The following KLHL1 variants were observed in gnomAD, a reference collection of about 807,000 sequenced individuals.
The protein encoded by KLHL1 is kelch-like protein 1.
KLHL1 carries 47 observed loss-of-function variants against 77.7 expected under a neutral mutation model. The ratio of observed to expected loss-of-function variants is 0.60; its 90% confidence interval spans 0.48 to 0.77. The LOEUF (loss-of-function observed/expected upper bound fraction) is 0.77. Ranked by LOEUF, KLHL1 falls within the 30% of genes least tolerant of loss-of-function variation. KLHL1 has a pLI of 0.00. For synonymous variants in KLHL1, 360 were observed against 325.2 expected (o/e 1.11, Z -1.15); for missense variants, 925 against 910.8 (o/e 1.02, Z -0.20).
At chr13:69,894,511 T>G (rs1368791990) in intron 4 of KLHL1, 1 of 158,820 alleles carries the variant, frequency 6.3e-6, no homozygotes, top group Non-Finnish European at 1.4e-5. Context: ...GAGTCATATC[T>G]TTTTTTCCTA....
intron 7 of KLHL1, among the ~76,000 whole-genome samples, chr13:69,767,496 A>C (rs1875364259): frequency 6.6e-6 from 1 of 152,166 alleles, no homozygotes. Context: ...CAGGAGTTTG[A>C]GACCAGCCTG....
chr13:69,771,262 C>T (rs1875550087), intron 7 of KLHL1, among the ~76,000 whole-genome samples: 1 of 142,474 alleles, frequency 7.0e-6, no homozygotes, highest in East Asian at 2.1e-4. Context: ...ACACCATGTG[C>T]CTTTAGCAAC....
At chr13:69,957,268 T>G (rs891787841) in intron 3 of KLHL1, among the ~76,000 whole-genome samples, 5 of 151,706 alleles carry the variant, frequency 3.3e-5, no homozygotes, top group African/African-American at 1.2e-4. Context: ...TACATAGATT[T>G]TACTACTTTT....
intron 4 of KLHL1, among the ~76,000 whole-genome samples, chr13:69,927,547 C>G (rs1003376374): frequency 1.3e-5 from 2 of 152,074 alleles, no homozygotes; most frequent in African/African-American, 4.8e-5. Context: ...ATTTAAATAA[C>G]TTTTACAACT....
At chr13:69,721,973 G>A (rs538802396) in intron 8 of KLHL1, among the ~76,000 whole-genome samples, 6 of 152,102 alleles carry the variant, frequency 3.9e-5, no homozygotes, top group African/African-American at 1.4e-4. Context: ...TATGAAATCT[G>A]AACCTCACTT....
At chr13:69,779,836 G>A (rs748915604) in intron 7 of KLHL1, among the ~76,000 whole-genome samples, 13 of 151,698 alleles carry the variant, frequency 8.6e-5, no homozygotes, top group African/African-American at 2.4e-4. Context: ...TTTTTGAGAC[G>A]GAGTCTTGCT....
chr13:69,942,647 C>A (rs1455140884), intron 3 of KLHL1, among the ~76,000 whole-genome samples: 1 of 152,030 alleles, frequency 6.6e-6, no homozygotes, highest in Non-Finnish European at 1.5e-5. Flanking sequence ...TCTGGCTTCA[C>A]CCAGTGTTAA....
At chr13:70,057,818 A>C (rs1886786426) in intron 1 of KLHL1, among the ~76,000 whole-genome samples, 1 of 150,894 alleles carries the variant, frequency 6.6e-6, no homozygotes, top group African/African-American at 2.4e-5. Flanking sequence ...AAGAAAGAAA[A>C]GAAAAACAAA....
chr13:70,077,571 G>A (rs1887294262), intron 1 of KLHL1, among the ~76,000 whole-genome samples: 1 of 151,978 alleles, frequency 6.6e-6, no homozygotes, highest in African/African-American at 2.4e-5. Context: ...ATTTCTCAAA[G>A]TGCAAACCCA....
chr13:69,826,437 A>C (rs947769533), intron 6 of KLHL1, among the ~76,000 whole-genome samples: 2 of 152,038 alleles, frequency 1.3e-5, no homozygotes, highest in Non-Finnish European at 2.9e-5. Flanking sequence ...ACACAAAAAA[A>C]CCCATAGTGG....
At chr13:69,984,064 A>C (rs555936774) in intron 1 of KLHL1, among the ~76,000 whole-genome samples, 4 of 152,254 alleles carry the variant, frequency 2.6e-5, no homozygotes, top group Admixed American at 2.6e-4. Flanking sequence ...AGAGGTAAAC[A>C]TAGGGAAAAT....
chr13:69,785,431 GA>G (rs1876483275), intron 7 of KLHL1, among the ~76,000 whole-genome samples: 1 of 152,066 alleles, frequency 6.6e-6, no homozygotes, highest in African/African-American at 2.4e-5. Context: ...AATGAAGGCA[GA>G]AATAAAGATG....
intron 5 of KLHL1, among the ~76,000 whole-genome samples, chr13:69,876,463 A>G (rs1457442823): frequency 2.0e-5 from 3 of 152,206 alleles, no homozygotes; most frequent in African/African-American, 7.2e-5. Flanking sequence ...GACTTAATTC[A>G]TGTAAAATAG....
chr13:69,922,332 A>T (rs1030115336), intron 4 of KLHL1, among the ~76,000 whole-genome samples: 11 of 152,172 alleles, frequency 7.2e-5, no homozygotes, highest in Non-Finnish European at 1.2e-4. Context: ...AAGAGAGAAT[A>T]ACGTGTAAGG....
intron 1 of KLHL1, among the ~76,000 whole-genome samples, chr13:69,983,576 C>CAAAAAAA (rs1282357751): frequency 2.5e-5 from 1 of 40,776 alleles, no homozygotes; most frequent in Non-Finnish European, 4.7e-5. Flanking sequence ...CCTATCTTTA[C>CAAAAAAA]AAAAAAAAAA....
chr13:69,809,114 G>A (rs950586447), intron 6 of KLHL1, among the ~76,000 whole-genome samples: 2 of 152,006 alleles, frequency 1.3e-5, no homozygotes, highest in African/African-American at 2.4e-5. Context: ...AGAAGAGGAA[G>A]CAAGCAACTT....
chr13:69,982,123 A>T (rs1884727010), intron 1 of KLHL1, among the ~76,000 whole-genome samples: 1 of 152,066 alleles, frequency 6.6e-6, no homozygotes, highest in African/African-American at 2.4e-5. Context: ...TATAGTAACT[A>T]AAAAGCAAAA....
intron 5 of KLHL1, among the ~76,000 whole-genome samples, chr13:69,843,738 C>A (rs1367473517): frequency 6.6e-6 from 1 of 151,616 alleles, no homozygotes; most frequent in African/African-American, 2.4e-5. Context: ...TAAGTGGTAT[C>A]TTCTACTGAG....
In KLHL1 at chr13:70,047,048, T is replaced by C. The variant is rs1404406066; in HGVS notation, c.497+60155A>G. Among the ~76,000 whole-genome samples the C allele has an allele frequency of 3.3e-5, 5 of 152,056 alleles. No individual in the cohort carries two copies. The East Asian group carries it at 9.9e-4, about 30-fold the overall frequency. ...TACAATGCTTATCCTTGTATTGAGA[T>C]AATACAACCAAACCAACCAAACCTT... On this transcript the variant is annotated intron_variant, in intron 1 of 10. Transcript: ENST00000377844.
Sources: allele counts gnomAD v4.1 joint callset (sites outside exome capture counted in the v4.1 genomes callset), GRCh38; gene constraint gnomAD v4.1.1; transcripts MANE v1.5; gene names NCBI Gene and HGNC (gene_info 2026-07-23, HGNC 2026-07-21).